The following OLFML2B variants were observed in gnomAD, a reference collection of about 807,000 sequenced individuals.
OLFML2B encodes olfactomedin like 2B.
In OLFML2B, 57 loss-of-function variants were observed where a neutral mutation model predicts 74.9. The observed-to-expected ratio is 0.76, with a 90% CI of 0.61 to 0.95. The LOEUF (loss-of-function observed/expected upper bound fraction) is 0.95, where lower values mean the gene tolerates loss of function less well. OLFML2B is among the 40% of genes least tolerant of loss of function. The probability of loss-of-function intolerance (pLI) is 0.00; values close to 1 mark genes in which losing one functional copy is unlikely to be tolerated. For missense variants in OLFML2B, 986 were observed against 970.6 expected, an observed-to-expected ratio of 1.02 and a Z score of -0.21; for synonymous variants, 388 against 405.8, an observed-to-expected ratio of 0.96 and a Z score of 0.53.
intron 4 of OLFML2B, among the ~76,000 whole-genome samples, chr1:162,005,888 G>C (rs1690211363): frequency 8.1e-6 from 1 of 122,768 alleles, no homozygotes; most frequent in African/African-American, 3.1e-5. Context: ...CTTGGTGGCA[G>C]AGCTGGAACC....
In OLFML2B at chr1:162,020,188, C is replaced by A; in HGVS notation, c.175-6G>T. On this transcript the variant is annotated splice_region_variant and splice_polypyrimidine_tract_variant and intron_variant, in intron 1 of 7. Transcript: ENST00000294794. Reference sequence around the variant, plus strand: ...TTGTCATAGTCCCCCAGCAACTAGACACACAGAAAACGGGTTAGGGGCATG... The same window carrying A: ...TTGTCATAGTCCCCCAGCAACTAGAAACACAGAAAACGGGTTAGGGGCATG... 6.2e-7 allele frequency: 1 copy of A among 1,613,710 alleles called. No individual in the cohort carries two copies.
In OLFML2B at chr1:161,983,854, G is replaced by T; in HGVS notation, c.2074C>A (p.Arg692=). The part of the protein sequence containing the change: ...VLYAVDSYNQ[R]NANISYAFDT... ...AAAGCGTAGGAGATGTTGGCATTCCGCTGGTTGTAGCTATCCACGGCATAC... is the reference window on the plus strand; with the variant it reads ...AAAGCGTAGGAGATGTTGGCATTCCTCTGGTTGTAGCTATCCACGGCATAC... Residue 692 remains arginine (R), a synonymous_variant, in exon 8 of 8, where the codon CGG becomes AGG. Coordinates refer to ENST00000294794, the MANE Select transcript of OLFML2B (RefSeq NM_015441.3). 6.2e-7 allele frequency: 1 copy of T among 1,614,148 alleles called. No individual in the cohort carries two copies. The highest frequency in any genetic ancestry group is 1.1e-5 in the South Asian group (1 of 91,082).
At chr1:162,011,009 A>T (rs1571305984) in intron 3 of OLFML2B, among the ~76,000 whole-genome samples, 1 of 152,170 alleles carries the variant, frequency 6.6e-6, no homozygotes, top group South Asian at 2.1e-4. Context: ...CATAGCAGAC[A>T]TGCAGGTGGA....
At chr1:162,015,899 G>A (rs916339688) in intron 3 of OLFML2B, among the ~76,000 whole-genome samples, 8 of 152,204 alleles carry the variant, frequency 5.3e-5, no homozygotes, top group African/African-American at 1.9e-4. Context: ...ACAAATCTCA[G>A]GATCCAAAAC....
intron 6 of OLFML2B, among the ~76,000 whole-genome samples, chr1:161,997,089 G>A (rs535779717): frequency 2.0e-5 from 3 of 152,216 alleles, no homozygotes; most frequent in Non-Finnish European, 2.9e-5. Context: ...CCCAGGAGGC[G>A]GAGCTTGCAG....
In OLFML2B at chr1:161,998,216, T is replaced by G; in HGVS notation, c.1083A>C (p.Thr361=). The G allele has an allele frequency of 6.2e-7, 1 of 1,614,044 alleles. No homozygotes were observed. Among genetic ancestry groups the G allele is most frequent in the Non-Finnish European group, 8.5e-7 (1 of 1,180,004 alleles). ...ATRQGHSTAV[T]SDLNARTAPW... ...GTGCGGTCCGAGCGTTCAGGTCGCTTGTCACAGCAGTGCTGTGTCCCTGAC... is the reference window on the plus strand; with the variant it reads ...GTGCGGTCCGAGCGTTCAGGTCGCTGGTCACAGCAGTGCTGTGTCCCTGAC... Residue 361 remains threonine, a synonymous_variant, in exon 6 of 8, where the codon ACA becomes ACC. Transcript: ENST00000294794.
At chr1:162,002,515 C>A (rs888942346) in intron 4 of OLFML2B, among the ~76,000 whole-genome samples, 2 of 152,242 alleles carry the variant, frequency 1.3e-5, no homozygotes, top group Non-Finnish European at 2.9e-5. Context: ...TCCTTTCGCA[C>A]AGGAAGAAGC....
In OLFML2B at chr1:162,020,007, G is replaced by GCA. The variant is rs1690651045; in HGVS notation, c.348_349dup (p.Ala117ValfsTer4). 1.2e-6 allele frequency: 2 copies of GCA among 1,614,044 alleles called. 1 individual carries two copies. The highest frequency in any genetic ancestry group is 2.2e-5 in the South Asian group (2 of 91,084). On this transcript the variant is annotated frameshift_variant, in exon 2 of 8. Coordinates refer to ENST00000294794, the MANE Select transcript of OLFML2B (RefSeq NM_015441.3). LOFTEE classifies it high-confidence loss of function. Reference sequence around the variant, plus strand: ...GAGGGCCGATGGGGGTGCTACACAGGCACACTTGCACGACGAGCCTGAGGT... The same window carrying GCA: ...GAGGGCCGATGGGGGTGCTACACAGGCACACACTTGCACGACGAGCCTGAGGT...
At chr1:162,020,583 G>A (rs1017314955) in intron 1 of OLFML2B, among the ~76,000 whole-genome samples, 10 of 151,256 alleles carry the variant, frequency 6.6e-5, no homozygotes, top group African/African-American at 2.2e-4. Flanking sequence ...CTGGAGTGCA[G>A]TGGCATGATC....
rs1268294270 is a variant in OLFML2B at position 162,001,628 on chromosome 1, AC to A, written c.724-1291del. Among the ~76,000 whole-genome samples, 11 of 152,302 alleles carry A rather than the reference AC, an allele frequency of 7.2e-5. No individual in the cohort carries two copies. The East Asian group carries it at 2.1e-3, about 29-fold the overall frequency. ...TTAAGGCACTGTATTTGGGTCTCTT[AC>A]CCAAGCTGAACACAAGTCCTAATGA... On this transcript the variant is annotated intron_variant, in intron 4 of 7. Coordinates refer to ENST00000294794, the MANE Select transcript of OLFML2B (RefSeq NM_015441.3).
chr1:161,998,239 G>A lies in OLFML2B; in HGVS notation c.1060C>T (p.Gln354Ter). The change falls in exon 6 of 8, where the codon CAG becomes TAG. Residue 354 changes from glutamine to a stop codon, truncating the protein, a stop_gained. Transcript: ENST00000294794. LOFTEE classifies it high-confidence loss of function. The stretch of plus-strand genomic sequence containing the variant: ...CTTGTCACAGCAGTGCTGTGTCCCT[G>A]ACGGGTGGCTGCAGGCCTCCGGGTG... ...SVTRRPAATR[Q>*]GHSTAVTSDL... 1 of 1,612,428 alleles carries A rather than the reference G, an allele frequency of 6.2e-7. No individual in the cohort carries two copies. Among genetic ancestry groups the A allele is most frequent in the Non-Finnish European group, 8.5e-7 (1 of 1,178,646 alleles).
chr1:161,998,831 G>C (rs540406403), intron 5 of OLFML2B, among the ~76,000 whole-genome samples: 2 of 152,356 alleles, frequency 1.3e-5, no homozygotes, highest in Admixed American at 1.3e-4. Context: ...AAACAAGCTA[G>C]AAGGGAAGGG....
At chr1:161,985,222 G>T in intron 6 of OLFML2B, 1 of 420,324 alleles carries the variant, frequency 2.4e-6, no homozygotes, top group Non-Finnish European at 4.2e-6. Context: ...ACTATGCTTT[G>T]CTCCTGTTCT....
At chr1:162,019,726 A>G (rs1479592087) in intron 2 of OLFML2B, among the ~76,000 whole-genome samples, 193 bp downstream of exon 2, 1 of 152,072 alleles carries the variant, frequency 6.6e-6, no homozygotes. Context: ...ACTTTGCTTT[A>G]AGCATCTCCC....
At chr1:162,021,609 T>C (rs942798318) in intron 1 of OLFML2B, among the ~76,000 whole-genome samples, 15 of 152,226 alleles carry the variant, frequency 9.9e-5, no homozygotes, top group African/African-American at 3.4e-4. Flanking sequence ...CTTGCAAAGA[T>C]TGGGTTTCTT....
At chr1:161,984,536 T>G (rs1336021553) in intron 7 of OLFML2B, among the ~76,000 whole-genome samples, 4 of 152,124 alleles carry the variant, frequency 2.6e-5, no homozygotes, top group African/African-American at 4.8e-5. Context: ...GTTCATAAAT[T>G]GTCAAGGGCT....
At chr1:162,011,906 G>T (rs527815868) in intron 3 of OLFML2B, among the ~76,000 whole-genome samples, 5 of 152,276 alleles carry the variant, frequency 3.3e-5, no homozygotes, top group African/African-American at 9.6e-5. Flanking sequence ...GCTGACACTC[G>T]CACTGTAAGT....
At chr1:161,985,658 T>C (rs1036577199) in intron 6 of OLFML2B, among the ~76,000 whole-genome samples, 1 of 152,142 alleles carries the variant, frequency 6.6e-6, no homozygotes, top group Non-Finnish European at 1.5e-5. Context: ...AGTGGAGCAA[T>C]GGCTATTCAT....
intron 3 of OLFML2B, among the ~76,000 whole-genome samples, chr1:162,014,503 T>A (rs1690478176): frequency 6.6e-6 from 1 of 152,216 alleles, no homozygotes; most frequent in South Asian, 2.1e-4. Flanking sequence ...TGACCCCTTT[T>A]TTGTCTTGTC....
Sources: allele counts gnomAD v4.1 joint callset (sites outside exome capture counted in the v4.1 genomes callset), GRCh38; gene constraint gnomAD v4.1.1; transcripts MANE v1.5; gene names NCBI Gene and HGNC (gene_info 2026-07-23, HGNC 2026-07-21).